The following NIM1K variants were observed in gnomAD, a reference collection of about 807,000 sequenced individuals.
NIM1K encodes serine/threonine-protein kinase NIM1.
Under a neutral mutation model 37.1 loss-of-function variants are expected in NIM1K, and 35 were observed. The ratio of observed to expected loss-of-function variants is 0.94; its 90% confidence interval spans 0.72 to 1.25. The LOEUF (loss-of-function observed/expected upper bound fraction) is 1.25, where lower values mean the gene tolerates loss of function less well. Ranked by LOEUF, NIM1K falls within the 50% of genes most tolerant of loss-of-function variation. The pLI, the probability that NIM1K is intolerant of heterozygous loss-of-function variation, is 0.00. For missense variants in NIM1K, 564 were observed against 548.0 expected (o/e 1.03, Z -0.29); for synonymous variants, 234 against 206.6 (o/e 1.13, Z -1.14).
chr5:43,223,749 A>C (rs1237764916), intron 1 of NIM1K, among the ~76,000 whole-genome samples: 1 of 152,222 alleles, frequency 6.6e-6, no homozygotes, highest in Non-Finnish European at 1.5e-5. Context: ...TTGAGCCCCT[A>C]GATGGATAAT....
intron 2 of NIM1K, among the ~76,000 whole-genome samples, chr5:43,255,754 A>AAAAAGAAAGAAAGAAAG (rs112325348): frequency 1.3e-4 from 17 of 131,892 alleles, no homozygotes; most frequent in Middle Eastern, 4.0e-3. Flanking sequence ...TCTCAAAAAA[A>AAAAAGAAAGAAAGAAAG]AAAGAAAGAA....
chr5:43,248,863 T>A (rs916128420), intron 2 of NIM1K, among the ~76,000 whole-genome samples: 41 of 144,950 alleles, frequency 2.8e-4, no homozygotes, highest in East Asian at 1.3e-3. Context: ...TTTTTTTTTT[T>A]AAATTAATTT....
At chr5:43,270,545 G>A (rs544744849) in intron 2 of NIM1K, among the ~76,000 whole-genome samples, 1 of 152,268 alleles carries the variant, frequency 6.6e-6, no homozygotes, top group South Asian at 2.1e-4. Flanking sequence ...GTGGAAGAAG[G>A]CATTAGAGAC....
At chr5:43,255,502 G>A (rs13171654) in intron 2 of NIM1K, among the ~76,000 whole-genome samples, 78,526 of 152,016 alleles carry the variant, frequency 0.52, 21,816 homozygotes, top group Non-Finnish European at 0.62. Flanking sequence ...TGTAATCCCA[G>A]CACTTTGGGA....
intron 2 of NIM1K, among the ~76,000 whole-genome samples, chr5:43,256,274 G>A (rs112938841): frequency 0.21 from 31,697 of 152,158 alleles, 3,840 homozygotes; most frequent in Middle Eastern, 0.38. Context: ...AAGAGATGAA[G>A]GTGGTTTGGA....
At chr5:43,233,573 C>T (rs1051426145) in intron 1 of NIM1K, among the ~76,000 whole-genome samples, 3 of 152,224 alleles carry the variant, frequency 2.0e-5, no homozygotes, top group African/African-American at 7.2e-5. Context: ...CGGCCTGTTA[C>T]CCTGATAGAC....
intron 3 of NIM1K, among the ~76,000 whole-genome samples, 162 bp from the exon 4 acceptor site, chr5:43,279,818 T>C (rs999643699): frequency 7.2e-5 from 11 of 152,184 alleles, no homozygotes; most frequent in Admixed American, 2.6e-4. Flanking sequence ...AGGCATTACA[T>C]TGGGCTAAAG....
intron 2 of NIM1K, among the ~76,000 whole-genome samples, chr5:43,247,419 C>T (rs1752792326): frequency 6.6e-6 from 1 of 152,202 alleles, no homozygotes; most frequent in South Asian, 2.1e-4. Flanking sequence ...CTTGCCTTGC[C>T]TCTGTGCAAC....
intron 2 of NIM1K, among the ~76,000 whole-genome samples, chr5:43,250,944 T>C (rs1752859172): frequency 6.6e-6 from 1 of 152,216 alleles, no homozygotes; most frequent in African/African-American, 2.4e-5. Context: ...TTCAGTAACT[T>C]ACTAGGCTTC....
At chr5:43,256,645 C>G (rs865944118) in intron 2 of NIM1K, among the ~76,000 whole-genome samples, 2 of 152,230 alleles carry the variant, frequency 1.3e-5, no homozygotes, top group Non-Finnish European at 1.5e-5. Context: ...CTCTCTGTCT[C>G]TCTGCCTCTG....
At chr5:43,236,542 G>A (rs942443311) in intron 1 of NIM1K, among the ~76,000 whole-genome samples, 2 of 152,192 alleles carry the variant, frequency 1.3e-5, no homozygotes, top group South Asian at 2.1e-4. Context: ...AAGATCTGGC[G>A]AAAGTAAACC....
At chr5:43,266,485 G>A (rs1753162264) in intron 2 of NIM1K, among the ~76,000 whole-genome samples, 2 of 152,212 alleles carry the variant, frequency 1.3e-5, no homozygotes, top group African/African-American at 4.8e-5. Flanking sequence ...CAGTATTAGG[G>A]TGGGAGTGTC....
intron 1 of NIM1K, among the ~76,000 whole-genome samples, chr5:43,234,553 C>T (rs928783877): frequency 1.3e-5 from 2 of 152,100 alleles, no homozygotes; most frequent in African/African-American, 4.8e-5. Flanking sequence ...CTTTGGGAAG[C>T]TGAGGTGGGC....
At chr5:43,262,250 G>A (rs1181378801) in intron 2 of NIM1K, among the ~76,000 whole-genome samples, 1 of 152,188 alleles carries the variant, frequency 6.6e-6, no homozygotes, top group East Asian at 1.9e-4. Context: ...AGCATGGAAT[G>A]TTCTTCCATT....
chr5:43,221,463 A>G (rs796807396), intron 1 of NIM1K, among the ~76,000 whole-genome samples: 1 of 124,522 alleles, frequency 8.0e-6, no homozygotes, highest in African/African-American at 2.8e-5. Context: ...AAAAAAAAAA[A>G]AAAAAGAAAA....
intron 2 of NIM1K, among the ~76,000 whole-genome samples, chr5:43,268,544 G>T (rs1461613197): frequency 2.6e-5 from 4 of 152,036 alleles, no homozygotes; most frequent in Admixed American, 1.3e-4. Context: ...GAAGCCATCG[G>T]TGTCAGACAT....
At chr5:43,229,864 C>G (rs992538023) in intron 1 of NIM1K, among the ~76,000 whole-genome samples, 3 of 151,866 alleles carry the variant, frequency 2.0e-5, no homozygotes, top group Admixed American at 2.0e-4. Flanking sequence ...GAACTCCTGA[C>G]CTCGTGATTT....
At chr5:43,263,598 G>A (rs1000989142) in intron 2 of NIM1K, among the ~76,000 whole-genome samples, 5 of 149,740 alleles carry the variant, frequency 3.3e-5, no homozygotes, top group African/African-American at 1.2e-4. Context: ...TTTTTTTAAG[G>A]GTTTTTGGTG....
intron 2 of NIM1K, among the ~76,000 whole-genome samples, chr5:43,269,764 A>G (rs376853929): frequency 0.033 from 4,863 of 148,746 alleles, 285 homozygotes; most frequent in African/African-American, 0.11. Flanking sequence ...GACTACAGAC[A>G]CCCGCCACTA....
Sources: gnomAD v4.1 joint callset for allele counts (sites outside exome capture counted in the v4.1 genomes callset) on GRCh38, gnomAD v4.1.1 for gene constraint, MANE v1.5 for transcripts, NCBI Gene and HGNC (gene_info 2026-07-23, HGNC 2026-07-21) for gene names.